Variants in NOBOX observed in about 807,000 individuals in gnomAD.
NOBOX encodes homeobox protein NOBOX.
In NOBOX, 46 loss-of-function variants were observed where a neutral mutation model predicts 60.2. The ratio of observed to expected loss-of-function variants is 0.76; its 90% CI spans 0.60 to 0.98. The LOEUF is 0.98. Among genes scored for constraint, NOBOX ranks in the 50% least tolerant of loss-of-function variants. NOBOX has a pLI of 0.00. For missense variants in NOBOX, 880 were observed against 865.5 expected (o/e 1.02, Z -0.21); for synonymous variants, 360 against 346.3 (o/e 1.04, Z -0.44).
intron 1 of NOBOX, among the ~76,000 whole-genome samples, chr7:144,406,757 T>G (rs2053988426): frequency 6.6e-6 from 1 of 152,218 alleles, no homozygotes; most frequent in African/African-American, 2.4e-5. Context: ...TGATATATCT[T>G]GTTAAGTCAT....
At position 144,401,530 on chromosome 7, in the gene NOBOX, G is replaced by T. The variant is rs1321376738; in HGVS notation, c.360C>A (p.Ala120=). 1 of 1,518,552 alleles carries T rather than the reference G, an allele frequency of 6.6e-7. No individual in the cohort carries two copies. The allele number at this position is 1,518,552 out of a possible 1,614,324, so 94.1% of individuals were successfully genotyped here. The change falls in exon 4 of 10, where the codon GCC becomes GCA. Residue 120 remains alanine (A), a synonymous_variant. Transcript: ENST00000467773. The surrounding 1 kb of genome is among the most constrained non-coding windows in gnomAD (Gnocchi z 4.2). ...CACTCTGAGTGTCCTGAGCATGAGGGGCTGAGCCCCGGAGCAGTTCCTCCT... is the reference window on the plus strand; with the variant it reads ...CACTCTGAGTGTCCTGAGCATGAGGTGCTGAGCCCCGGAGCAGTTCCTCCT...
At chr7:144,403,331 A>G (rs1200622782) in intron 2 of NOBOX, among the ~76,000 whole-genome samples, 3 of 152,080 alleles carry the variant, frequency 2.0e-5, no homozygotes, top group African/African-American at 7.2e-5. Context: ...CACGTGTCCT[A>G]TGGGAGTGAT....
chr7:144,399,987 C>T, intron 5 of NOBOX, 124 bp from the exon 4 acceptor site: 2 of 1,288,318 alleles, frequency 1.6e-6, no homozygotes, highest in South Asian at 1.4e-5. Flanking sequence ...CTTCTGAGCC[C>T]TCCGTCAGGC....
chr7:144,398,846 T>G, intron 8 of NOBOX, 104 bp downstream of exon 6: 1 of 690,176 alleles, frequency 1.4e-6, no homozygotes. Context: ...CACTCTGTGC[T>G]CCTCTCAGTT....
intron 1 of NOBOX, among the ~76,000 whole-genome samples, chr7:144,405,112 T>G (rs923147906): frequency 1.3e-5 from 2 of 152,208 alleles, no homozygotes; most frequent in African/African-American, 2.4e-5. Context: ...TAGTTCTTTC[T>G]GAAACACAAA....
rs1327464927 is a variant in NOBOX at position 144,404,565 on chromosome 7, G to C, written c.201C>G (p.Thr67=). ...CGCTCGCCCCCCGTACTGATTTGAG[G>C]GTCTCCAGAGCACAAAGGCTGCACC... The change falls in exon 2 of 10, where the codon ACC becomes ACG. Residue 67 remains threonine (T), a synonymous_variant. Coordinates refer to ENST00000467773, the MANE Select transcript of NOBOX (RefSeq NM_001080413.3). 1.9e-6 allele frequency: 3 copies of C among 1,613,112 alleles called. No homozygotes were observed. Among genetic ancestry groups the C allele is most frequent in the Non-Finnish European group, 2.5e-6 (3 of 1,179,714 alleles).
Position 144,410,135 on chromosome 7 carries a change from G to A in NOBOX, c.85+8C>T. On this transcript the variant is annotated splice_region_variant and intron_variant, in intron 1 of 9. Transcript: ENST00000467773. ...AATTTTGCTGTTGCTTCCAGGACAT[G>A]AGCTCACCCTCCTGGGCTTTGAAGC... 2 of 1,548,392 alleles carry A rather than the reference G, an allele frequency of 1.3e-6. No individual in the cohort carries two copies. The highest frequency in any genetic ancestry group is 1.2e-5 in the South Asian group (1 of 84,132).
At chr7:144,402,248 C>T (rs756931997) in intron 2 of NOBOX, among the ~76,000 whole-genome samples, 12 of 149,268 alleles carry the variant, frequency 8.0e-5, no homozygotes, top group Non-Finnish European at 1.3e-4. Flanking sequence ...GGATCTCACT[C>T]TCTGGTAAAC....
At chr7:144,406,826 T>C (rs987652757) in intron 1 of NOBOX, among the ~76,000 whole-genome samples, 2 of 152,212 alleles carry the variant, frequency 1.3e-5, no homozygotes, top group Non-Finnish European at 2.9e-5. Context: ...AAATACGGGC[T>C]AGAGCAAAGA....
intron 8 of NOBOX, 101 bp downstream of exon 6, chr7:144,398,849 T>A: frequency 1.4e-6 from 1 of 702,200 alleles, no homozygotes; most frequent in African/African-American, 1.8e-5. Context: ...TCTGTGCTCC[T>A]CTCAGTTAAC....
chr7:144,410,213 C>G lies in NOBOX; in HGVS notation c.15G>C (p.Leu5Phe), dbSNP rs777731484. 28 of 1,565,880 alleles carry G rather than the reference C, an allele frequency of 1.8e-5. 2 individuals are homozygous for G. In the South Asian group the frequency reaches 3.2e-4, roughly 18 times the overall value. The change falls in exon 1 of 10, where the codon TTG becomes TTC. Residue 5 changes from leucine to phenylalanine, a missense_variant. Leu to Phe is a conservative substitution (Grantham distance 22). Transcript: ENST00000467773. ...CCTCCAGGTCTGGTGATGTTAGTGT[C>G]AAAAGGAGAGCCATGTCATGGCCAG...
chr7:144,403,750 G>A (rs2053961291), intron 2 of NOBOX, 57 bp from the exon 1 acceptor site: 1 of 670,226 alleles, frequency 1.5e-6, no homozygotes, highest in South Asian at 1.5e-5. Context: ...GCCTAATGAA[G>A]CCTCGCCGGG....
intron 4 of NOBOX, 149 bp from the exon 3 acceptor site, chr7:144,400,461 G>T (rs1587091125): frequency 4.5e-6 from 3 of 664,884 alleles, no homozygotes; most frequent in East Asian, 5.4e-5. Flanking sequence ...ATTGGGCTGG[G>T]CCTTCTCGCT....
At chr7:144,400,727 G>A (rs1182689779) in intron 4 of NOBOX, among the ~76,000 whole-genome samples, 9 of 152,034 alleles carry the variant, frequency 5.9e-5, no homozygotes, top group East Asian at 5.8e-4. Flanking sequence ...CAGTAGAGGC[G>A]GGGTTTCACC....
At chr7:144,404,741 G>C (rs554473530) in intron 1 of NOBOX, 3 of 1,595,186 alleles carry the variant, frequency 1.9e-6, no homozygotes, top group African/African-American at 2.7e-5. Context: ...TTTATTCTCT[G>C]AGAATGGAAG....
rs770154113 is a variant in NOBOX at position 144,401,597 on chromosome 7, C to T, written c.293G>A (p.Gly98Asp). The change falls in exon 4 of 10, where the codon GGC becomes GAC. Residue 98 changes from glycine to aspartate, a missense_variant and splice_region_variant. Gly to Asp is a moderately conservative substitution (Grantham distance 94, BLOSUM62 -1). Transcript: ENST00000467773. The surrounding 1 kb of genome is among the most constrained non-coding windows in gnomAD (Gnocchi z 4.2). ...CAGGGGCTTCTCTCCAGCTTTCTGG[C>T]CTGTGGGGAGCCAACATCCACTGAC... 3.3e-6 allele frequency: 5 copies of T among 1,503,246 alleles called. No homozygotes were observed. Among genetic ancestry groups the T allele is most frequent in the South Asian group, 1.4e-5 (1 of 72,050 alleles). The allele number at this position is 1,503,246 out of a possible 1,614,324, so 93.1% of individuals were successfully genotyped here.
In NOBOX at chr7:144,410,219, G is replaced by C; in HGVS notation, c.9C>G (p.Leu3=). 6.4e-7 allele frequency: 1 copy of C among 1,564,258 alleles called. No homozygotes were observed. Among genetic ancestry groups the C allele is most frequent in the Non-Finnish European group, 8.7e-7 (1 of 1,152,972 alleles). The stretch of plus-strand genomic sequence containing the variant: ...GGTCTGGTGATGTTAGTGTCAAAAG[G>C]AGAGCCATGTCATGGCCAGCAGGTT... Residue 3 remains leucine (L), a synonymous_variant, in exon 1 of 10, where the codon CTC becomes CTG. Transcript: ENST00000467773.
At chr7:144,399,290 T>C (rs1341282246) in intron 7 of NOBOX, 107 bp downstream of exon 5, 1 of 998,096 alleles carries the variant, frequency 1.0e-6, no homozygotes, top group African/African-American at 1.6e-5. Flanking sequence ...TAGGCCCTGC[T>C]GGCTGAAACA....
intron 1 of NOBOX, among the ~76,000 whole-genome samples, chr7:144,404,904 T>C (rs1290445182): frequency 6.6e-6 from 1 of 152,052 alleles, no homozygotes; most frequent in African/African-American, 2.4e-5. Flanking sequence ...GCTGGTCAGA[T>C]AGAAACAGGT....
Sources: allele counts gnomAD v4.1 joint callset (sites outside exome capture counted in the v4.1 genomes callset), GRCh38; gene constraint gnomAD v4.1.1; non-coding constraint Gnocchi (gnomAD v3.1); transcripts MANE v1.5; gene names NCBI Gene and HGNC (gene_info 2026-07-23, HGNC 2026-07-21).